ANO3: variants seen among roughly 807,000 people sequenced by gnomAD.
ANO3 encodes the protein anoctamin-3.
A neutral mutation model predicts 144.8 loss-of-function variants in ANO3; 99 were observed. The ratio of observed to expected loss-of-function variants is 0.68; its 90% CI spans 0.58 to 0.81. ANO3 has a LOEUF of 0.81. Among genes scored for constraint, ANO3 ranks in the 30% least tolerant of loss-of-function variants. The pLI, the probability that ANO3 is intolerant of heterozygous loss-of-function variation, is 0.00. For synonymous variants in ANO3, 414 were observed against 392.6 expected (o/e 1.05, Z -0.64); for missense variants, 905 against 1,202.2 (o/e 0.75, Z 3.66).
intron 1 of ANO3, among the ~76,000 whole-genome samples, chr11:26,365,971 TATATATATATATATATATATATATATATA>T (rs1564984807): frequency 5.8e-5 from 4 of 68,620 alleles, no homozygotes; most frequent in South Asian, 4.8e-4. Context: ...TATATATATA[TATATATATATATATATATATATATATATA>T]TATTTTAATT....
chr11:26,566,081 A>G (rs139688454), intron 14 of ANO3, among the ~76,000 whole-genome samples: 1,592 of 151,962 alleles, frequency 0.01, 28 homozygotes, highest in African/African-American at 0.036. Flanking sequence ...ACTGCTTTCC[A>G]CGTAATCTTT....
At chr11:26,399,186 C>T (rs1857089122) in intron 1 of ANO3, among the ~76,000 whole-genome samples, 1 of 151,904 alleles carries the variant, frequency 6.6e-6, no homozygotes, top group East Asian at 1.9e-4. Flanking sequence ...TGTTACTTTC[C>T]TTCATCTATC....
chr11:26,452,109 T>C (rs1858966535), intron 3 of ANO3, among the ~76,000 whole-genome samples: 1 of 151,826 alleles, frequency 6.6e-6, no homozygotes, highest in African/African-American at 2.4e-5. Flanking sequence ...AGACCAAAAG[T>C]AGATAAAACC....
At chr11:26,343,365 T>C (rs1855413599) in intron 1 of ANO3, among the ~76,000 whole-genome samples, 1 of 152,248 alleles carries the variant, frequency 6.6e-6, no homozygotes, top group Admixed American at 6.5e-5. Context: ...ATGGGAATGC[T>C]GATATCAAGA....
At chr11:26,435,429 T>C (rs895856108) in intron 1 of ANO3, among the ~76,000 whole-genome samples, 1 of 152,218 alleles carries the variant, frequency 6.6e-6, no homozygotes, top group African/African-American at 2.4e-5. Context: ...TCAGGTGTTC[T>C]CAGTATTTCC....
chr11:26,434,839 A>C (rs1429544232), intron 1 of ANO3, among the ~76,000 whole-genome samples: 2 of 152,014 alleles, frequency 1.3e-5, no homozygotes, highest in Non-Finnish European at 2.9e-5. Context: ...TTGTTATGTC[A>C]GTGGGGTGGT....
intron 1 of ANO3, among the ~76,000 whole-genome samples, chr11:26,412,795 A>AGTGTGTGTGTGTGTGTGTGTGTGT (rs60855252): frequency 5.7e-5 from 8 of 140,232 alleles, no homozygotes; most frequent in South Asian, 2.4e-4. Context: ...GAGAAAGGAA[A>AGTGTGTGTGTGTGTGTGTGTGTGT]GTGTGTGTGT....
intron 1 of ANO3, among the ~76,000 whole-genome samples, chr11:26,235,113 T>C (rs1852490696): frequency 6.6e-6 from 1 of 152,100 alleles, no homozygotes; most frequent in Non-Finnish European, 1.5e-5. Flanking sequence ...CCACCCATAT[T>C]GTGGAGGTCC....
chr11:26,435,543 G>A (rs1416630126), intron 1 of ANO3, among the ~76,000 whole-genome samples: 4 of 152,176 alleles, frequency 2.6e-5, no homozygotes, highest in African/African-American at 4.8e-5. Flanking sequence ...GTGATTCATA[G>A]ATTTGGTCTC....
intron 4 of ANO3, among the ~76,000 whole-genome samples, chr11:26,464,866 C>T (rs1259069809): frequency 6.6e-6 from 1 of 151,706 alleles, no homozygotes; most frequent in Non-Finnish European, 1.5e-5. Flanking sequence ...CACTTTTATC[C>T]ATTTTATAGT....
chr11:26,313,798 A>G (rs1303621171), intron 1 of ANO3, among the ~76,000 whole-genome samples: 1 of 151,466 alleles, frequency 6.6e-6, no homozygotes, highest in Non-Finnish European at 1.5e-5. Context: ...CAATTTGTTA[A>G]ATGCTATGTA....
chr11:26,305,008 G>C (rs1055956854), upstream of ANO3, among the ~76,000 whole-genome samples: 1 of 151,636 alleles, frequency 6.6e-6, no homozygotes, highest in Non-Finnish European at 1.5e-5. Context: ...CTTGAAAACT[G>C]CTTTTTTTTA....
chr11:26,658,440 C>T (rs1037333081), intron 26 of ANO3, among the ~76,000 whole-genome samples: 27 of 71,072 alleles, frequency 3.8e-4, no homozygotes, highest in Non-Finnish European at 1.0e-3. Flanking sequence ...GGAGAAACCC[C>T]GTCTCTACTA....
chr11:26,316,828 T>C (rs1159937493), intron 1 of ANO3, among the ~76,000 whole-genome samples: 4 of 152,190 alleles, frequency 2.6e-5, no homozygotes, highest in Non-Finnish European at 2.9e-5. Context: ...TGTCCGTTCA[T>C]AGGCTCTCTG....
At chr11:26,649,051 C>CAAA (rs1853439497) in intron 24 of ANO3, among the ~76,000 whole-genome samples, 1 of 152,032 alleles carries the variant, frequency 6.6e-6, no homozygotes, top group Admixed American at 6.6e-5. Flanking sequence ...AACTTGAAGC[C>CAAA]GGACATTTTA....
chr11:26,311,225 G>A lies in ANO3; in HGVS notation c.-3+1506G>A, dbSNP rs995528996. On this transcript the variant is annotated intron_variant, in intron 1 of 26. Transcript: ENST00000525139. The stretch of plus-strand genomic sequence containing the variant: ...GTACTGTATTTGGTTCATTGACTAA[G>A]TCTATTGTGTGGATTTATTGACTCT... Among the ~76,000 whole-genome samples the A allele has an allele frequency of 3.3e-5, 5 of 152,262 alleles. No homozygotes were observed. In the East Asian group the frequency reaches 9.7e-4, roughly 29 times the overall value.
intron 14 of ANO3, among the ~76,000 whole-genome samples, chr11:26,573,082 C>T (rs1169201473): frequency 6.6e-6 from 1 of 152,122 alleles, no homozygotes; most frequent in Non-Finnish European, 1.5e-5. Context: ...GCGCCAAGGG[C>T]CGTTCAGCTC....
chr11:26,397,548 A>T (rs542236567), intron 1 of ANO3, among the ~76,000 whole-genome samples: 1 of 152,216 alleles, frequency 6.6e-6, no homozygotes, highest in East Asian at 1.9e-4. Flanking sequence ...ATTTTGTATA[A>T]TTTTTGTCTT....
chr11:26,332,148 T>C lies in ANO3; in HGVS notation c.-128T>C, dbSNP rs1855063973. On this transcript the variant is annotated 5_prime_UTR_variant, in exon 1 of 27. Transcript: ENST00000256737. Reference sequence around the variant, plus strand: ...GTAGCCTGGAGAGCGAAGTGCCGGCTACAGCAGGTGTCGGATTGCAGTGCG... The same window carrying C: ...GTAGCCTGGAGAGCGAAGTGCCGGCCACAGCAGGTGTCGGATTGCAGTGCG... 6.4e-7 allele frequency: 1 copy of C among 1,565,162 alleles called. No individual in the cohort carries two copies. Among genetic ancestry groups the C allele is most frequent in the Admixed American group, 1.8e-5 (1 of 55,082 alleles).
Sources: gnomAD v4.1 joint callset for allele counts (sites outside exome capture counted in the v4.1 genomes callset) on GRCh38, gnomAD v4.1.1 for gene constraint, MANE v1.5 for transcripts, NCBI Gene and HGNC (gene_info 2026-07-23, HGNC 2026-07-21) for gene names.